ASTN2: variants seen among roughly 807,000 people sequenced by gnomAD.
ASTN2 encodes astrotactin-2.
In ASTN2, 54 loss-of-function variants were observed where a neutral mutation model predicts 139.8. The observed-to-expected ratio is 0.39, with a 90% CI of 0.31 to 0.48. The LOEUF (loss-of-function observed/expected upper bound fraction) is 0.48. Among genes scored for constraint, ASTN2 ranks in the 20% least tolerant of loss-of-function variants. The pLI, the probability that ASTN2 is intolerant of heterozygous loss-of-function variation, is 0.95. For missense variants in ASTN2, 1,565 were observed against 1,725.1 expected, an observed-to-expected ratio of 0.91 and a Z score of 1.64; for synonymous variants, 756 against 719.5, an observed-to-expected ratio of 1.05 and a Z score of -0.81.
At chr9:116,437,753 C>T (rs1052408033) in intron 22 of ASTN2, among the ~76,000 whole-genome samples, 2 of 152,204 alleles carry the variant, frequency 1.3e-5, no homozygotes, top group Admixed American at 6.5e-5. Flanking sequence ...CTCTTCACTT[C>T]TGCCCGCCAG....
chr9:117,094,943 A>T (rs1828802647), intron 5 of ASTN2, among the ~76,000 whole-genome samples: 1 of 152,180 alleles, frequency 6.6e-6, no homozygotes, highest in Non-Finnish European at 1.5e-5. Context: ...AGCACACAGA[A>T]GTTATGGGGA....
chr9:117,230,323 T>C (rs1021748890), intron 2 of ASTN2, among the ~76,000 whole-genome samples: 1 of 152,128 alleles, frequency 6.6e-6, no homozygotes, highest in Non-Finnish European at 1.5e-5. Context: ...GACTCCTCCC[T>C]TGCCTCTTCT....
intron 3 of ASTN2, among the ~76,000 whole-genome samples, chr9:117,153,856 C>T (rs575642232): frequency 6.6e-6 from 1 of 152,038 alleles, no homozygotes; most frequent in African/African-American, 2.4e-5. Flanking sequence ...GCTATGCTTG[C>T]CGAATGAATG....
intron 19 of ASTN2, among the ~76,000 whole-genome samples, chr9:116,522,312 T>C (rs1850910356): frequency 6.6e-6 from 1 of 152,122 alleles, no homozygotes; most frequent in South Asian, 2.1e-4. Context: ...AGCATATATA[T>C]ACCATGGAAT....
intron 1 of ASTN2, among the ~76,000 whole-genome samples, chr9:117,404,124 A>C (rs879480227): frequency 2.0e-5 from 3 of 152,366 alleles, no homozygotes; most frequent in Admixed American, 2.0e-4. Flanking sequence ...CATAAGGATC[A>C]CACAGCTTAG....
intron 16 of ASTN2, among the ~76,000 whole-genome samples, chr9:116,718,103 T>G (rs1828364536): frequency 6.6e-6 from 1 of 152,236 alleles, no homozygotes; most frequent in Admixed American, 6.5e-5. Flanking sequence ...AGGAACATCA[T>G]TCTAAGAAAA....
intron 13 of ASTN2, among the ~76,000 whole-genome samples, chr9:116,749,329 TCTC>T (rs1829337078): frequency 6.6e-6 from 1 of 152,124 alleles, no homozygotes; most frequent in African/African-American, 2.4e-5. Flanking sequence ...ACCCTTTTCT[TCTC>T]CTCCTGCCCT....
chr9:117,052,645 G>A (rs1441786170), intron 5 of ASTN2, among the ~76,000 whole-genome samples: 1 of 152,148 alleles, frequency 6.6e-6, no homozygotes, highest in Non-Finnish European at 1.5e-5. Context: ...TAGACTGGAG[G>A]ATAGTGAGTT....
chr9:116,741,311 A>T (rs918321931), intron 13 of ASTN2, among the ~76,000 whole-genome samples: 1 of 152,190 alleles, frequency 6.6e-6, no homozygotes, highest in Non-Finnish European at 1.5e-5. Context: ...GTCTTTTCTT[A>T]CTTGAGGGAA....
intron 19 of ASTN2, among the ~76,000 whole-genome samples, chr9:116,547,082 CTTATT>C (rs1852129284): frequency 6.6e-6 from 1 of 152,134 alleles, no homozygotes; most frequent in Non-Finnish European, 1.5e-5. Context: ...TAAACAGGTT[CTTATT>C]TTTTTCTCCC....
At chr9:116,761,287 A>C (rs775706036) in intron 13 of ASTN2, among the ~76,000 whole-genome samples, 7 of 152,222 alleles carry the variant, frequency 4.6e-5, no homozygotes, top group Admixed American at 6.5e-5. Flanking sequence ...CTGTTGTCTT[A>C]AAGTAGCTCA....
intron 20 of ASTN2, among the ~76,000 whole-genome samples, chr9:116,468,746 A>G (rs1308127023): frequency 1.3e-5 from 2 of 152,164 alleles, no homozygotes; most frequent in Admixed American, 6.6e-5. Flanking sequence ...TTTACTTTCA[A>G]GATAAAGTCC....
At chr9:116,810,494 A>C (rs987908724) in intron 12 of ASTN2, among the ~76,000 whole-genome samples, 4 of 152,160 alleles carry the variant, frequency 2.6e-5, no homozygotes, top group Non-Finnish European at 5.9e-5. Context: ...CTACTGTTGC[A>C]ATCTTTTAAA....
At chr9:117,208,605 C>T (rs372780618) in intron 3 of ASTN2, among the ~76,000 whole-genome samples, 20 of 152,084 alleles carry the variant, frequency 1.3e-4, no homozygotes, top group South Asian at 2.1e-4. Context: ...AATATTCCAA[C>T]GTCTTGGGAG....
chr9:116,425,344 G>A lies in ASTN2; in HGVS notation c.*507C>T, dbSNP rs1588044615. The A allele has an allele frequency of 3.6e-6, 2 of 553,316 alleles. No homozygotes were observed. Among genetic ancestry groups the A allele is most frequent in the Admixed American group, 3.7e-5 (1 of 27,152 alleles). 34.3% of individuals were successfully genotyped at this position (553,316 alleles called of 1,614,324 possible). On this transcript the variant is annotated 3_prime_UTR_variant, in exon 23 of 23. Coordinates refer to ENST00000313400, the MANE Select transcript of ASTN2 (RefSeq NM_001365068.1). The stretch of plus-strand genomic sequence containing the variant: ...TCAATAATGTCCAGCAAAAAAGAGA[G>A]AGAAGTCCTTAAAGACCCATGCTTC...
intron 13 of ASTN2, among the ~76,000 whole-genome samples, chr9:116,745,047 G>A (rs977655890): frequency 6.6e-6 from 1 of 152,174 alleles, no homozygotes; most frequent in East Asian, 1.9e-4. Flanking sequence ...TGGCTGCAAA[G>A]TTGCTTTACT....
At chr9:116,987,189 G>A (rs1836711958) in intron 7 of ASTN2, among the ~76,000 whole-genome samples, 1 of 152,248 alleles carries the variant, frequency 6.6e-6, no homozygotes, top group Non-Finnish European at 1.5e-5. Context: ...CCAGTGCTGG[G>A]GGAAGGATCC....
chr9:116,939,872 C>T (rs930539575), intron 10 of ASTN2, among the ~76,000 whole-genome samples: 3 of 152,164 alleles, frequency 2.0e-5, no homozygotes, highest in African/African-American at 7.2e-5. Context: ...ATGGTGACCC[C>T]ATAGCATGAC....
intron 10 of ASTN2, among the ~76,000 whole-genome samples, chr9:116,924,268 A>T (rs548164600): frequency 0.034 from 5,148 of 149,562 alleles, 320 homozygotes; most frequent in African/African-American, 0.12. Flanking sequence ...AAAAAAAAAA[A>T]AAAAAAAAAA....
Sources: allele counts gnomAD v4.1 joint callset (sites outside exome capture counted in the v4.1 genomes callset), GRCh38; gene constraint gnomAD v4.1.1; transcripts MANE v1.5; gene names NCBI Gene and HGNC (gene_info 2026-07-23, HGNC 2026-07-21).